Variants in ITGAM observed in about 807,000 individuals in gnomAD.
ITGAM encodes the protein integrin alpha-M.
ITGAM carries 79 observed loss-of-function variants against 137.5 expected under a neutral mutation model. That is an observed-to-expected ratio of 0.57 (90% CI 0.48 to 0.69). The LOEUF is 0.69. ITGAM is among the 30% of genes least tolerant of loss of function. ITGAM has a pLI of 0.00. For missense variants in ITGAM, 1,343 were observed against 1,483.5 expected (o/e 0.91, Z 1.56); for synonymous variants, 583 against 592.3 (o/e 0.98, Z 0.23).
intron 10 of ITGAM, 72 bp from the exon 11 acceptor site, chr16:31,276,848 G>T: frequency 6.3e-7 from 1 of 1,587,730 alleles, no homozygotes; most frequent in African/African-American, 1.3e-5. Context: ...AGATACTTGG[G>T]AAGTAGCTCT....
Position 31,325,337 on chromosome 16 carries a change from C to G in ITGAM, c.2438C>G (p.Ser813Cys). The change falls in exon 20 of 30, where the codon TCC (serine) becomes TGC (cysteine). Residue 813 changes from serine to cysteine, a missense_variant. By Grantham distance (112) the Ser-to-Cys change is moderately radical (BLOSUM62 -1). Transcript: ENST00000544665. The stretch of plus-strand genomic sequence containing the variant: ...ACTGTGAGAAATGATGGTGAGGACT[C>G]CTACAGGACACAGGTCACCTTCTTC... ...TVTVRNDGED[S>C]YRTQVTFFFP... The G allele has an allele frequency of 6.2e-7, 1 of 1,613,954 alleles. No individual in the cohort carries two copies. The highest frequency in any genetic ancestry group is 8.5e-7 in the Non-Finnish European group (1 of 1,179,852).
chr16:31,288,121 G>A (rs904780668), intron 12 of ITGAM, among the ~76,000 whole-genome samples: 1 of 152,094 alleles, frequency 6.6e-6, no homozygotes, highest in Non-Finnish European at 1.5e-5. Flanking sequence ...AGTGAAAAGG[G>A]GTGTGGGGAA....
At chr16:31,318,552 C>T (rs556308923) in intron 14 of ITGAM, among the ~76,000 whole-genome samples, 14 of 152,264 alleles carry the variant, frequency 9.2e-5, no homozygotes, top group Admixed American at 8.5e-4. Context: ...CCATGATGGC[C>T]AGGCTGGTTT....
chr16:31,261,272 G>A (rs555182027), intron 1 of ITGAM, among the ~76,000 whole-genome samples: 1 of 148,754 alleles, frequency 6.7e-6, no homozygotes, highest in Non-Finnish European at 1.5e-5. Context: ...GCATGATCAT[G>A]GTTCACTGCA....
intron 14 of ITGAM, among the ~76,000 whole-genome samples, chr16:31,316,689 A>G (rs986982888): frequency 1.2e-4 from 18 of 152,298 alleles, no homozygotes; most frequent in Admixed American, 7.9e-4. Flanking sequence ...CATTGACTCT[A>G]TCGATCACTT....
At position 31,330,376 on chromosome 16, in the gene ITGAM, C is replaced by T. The variant is rs756051605; in HGVS notation, c.3129C>T (p.Phe1043=). The T allele has an allele frequency of 6.2e-7, 1 of 1,613,880 alleles. No individual in the cohort carries two copies. Among genetic ancestry groups the T allele is most frequent in the Non-Finnish European group, 8.5e-7 (1 of 1,179,862 alleles). ...CGTTCTTTGGCATCCAGGAAGAATT[C>T]AATGCTACCCTCAAAGGCAACCTCT... ...DIPFFGIQEE[F]NATLKGNLSF... is the part of the protein sequence containing the mutation. Residue 1043 remains phenylalanine (F), a synonymous_variant, in exon 27 of 30, where the codon TTC becomes TTT. Transcript: ENST00000544665.
chr16:31,279,546 G>T (rs895461886), intron 12 of ITGAM, among the ~76,000 whole-genome samples: 1 of 152,202 alleles, frequency 6.6e-6, no homozygotes, highest in East Asian at 1.9e-4. Context: ...CTTTTGAGAA[G>T]TGTCTGTTCA....
chr16:31,324,991 A>G lies in ITGAM; in HGVS notation c.2323A>G (p.Ile775Val), dbSNP rs765566225. Residue 775 changes from isoleucine to valine, a missense_variant, in exon 19 of 30, where the codon ATC becomes GTC. Coordinates refer to ENST00000544665, the MANE Select transcript of ITGAM (RefSeq NM_000632.4). The surrounding 1 kb of genome is among the most constrained non-coding windows in gnomAD (Gnocchi z 4.5). ...TGAGAAGAATTGTGGCAATGACAAC[A>G]TCTGCCAGGATGACCTCAGCATCAC... ...PFEKNCGNDN[I>V]CQDDLSITFS... is the part of the protein sequence containing the mutation. 6.2e-7 allele frequency: 1 copy of G among 1,613,226 alleles called. No individual in the cohort carries two copies. The highest frequency in any genetic ancestry group is 1.1e-5 in the South Asian group (1 of 90,974).
intron 14 of ITGAM, among the ~76,000 whole-genome samples, chr16:31,309,886 G>A (rs1373347276): frequency 6.6e-6 from 1 of 152,072 alleles, no homozygotes; most frequent in Non-Finnish European, 1.5e-5. Flanking sequence ...TGTCTGTAAA[G>A]TATTTTATTT....
At chr16:31,284,684 G>A (rs1042828930) in intron 12 of ITGAM, among the ~76,000 whole-genome samples, 4 of 152,096 alleles carry the variant, frequency 2.6e-5, no homozygotes, top group Admixed American at 6.6e-5. Flanking sequence ...CAGGTGAGGC[G>A]ATGACCCACC....
chr16:31,318,475 C>T (rs892597225), intron 14 of ITGAM, among the ~76,000 whole-genome samples: 8 of 151,778 alleles, frequency 5.3e-5, no homozygotes, highest in South Asian at 4.2e-4. Context: ...TCCTGAGTAG[C>T]TGGCATTACA....
At position 31,297,864 on chromosome 16, in the gene ITGAM, C is replaced by A; in HGVS notation, c.1617C>A (p.Ala539=). 2 of 1,613,882 alleles carry A rather than the reference C, an allele frequency of 1.2e-6. No individual in the cohort carries two copies. The highest frequency in any genetic ancestry group is 1.7e-6 in the Non-Finnish European group (2 of 1,179,940). ...DVNGDKLTDV[A]IGAPGEEDNR... is the part of the protein sequence containing the mutation. The stretch of plus-strand genomic sequence containing the variant: ...ATGGGGACAAGCTGACGGACGTGGC[C>A]ATTGGGGCCCCAGGAGAGGAGGACA... The change falls in exon 14 of 30, where the codon GCC becomes GCA. Residue 539 remains alanine, a synonymous_variant. Coordinates refer to ENST00000544665, the MANE Select transcript of ITGAM (RefSeq NM_000632.4).
chr16:31,325,579 C>G lies in ITGAM; in HGVS notation c.2585C>G (p.Thr862Ser), dbSNP rs2080500634. The G allele has an allele frequency of 6.2e-7, 1 of 1,613,814 alleles. No individual in the cohort carries two copies. Among genetic ancestry groups the G allele is most frequent in the East Asian group, 2.2e-5 (1 of 44,884 alleles). Residue 862 changes from threonine to serine, a missense_variant, in exon 21 of 30, where the codon ACC becomes AGC. Physicochemically the swap from Thr to Ser is moderately conservative, Grantham distance 58. Coordinates refer to ENST00000544665, the MANE Select transcript of ITGAM (RefSeq NM_000632.4). ...GAAGTGTCTGGGGCCTTGAAGAGCA[C>G]CAGCTGCAGCATAAACCACCCCATC... ...STEVSGALKS[T>S]SCSINHPIFP...
chr16:31,297,878 G>C lies in ITGAM; in HGVS notation c.1631G>C (p.Gly544Ala). 6.2e-7 allele frequency: 1 copy of C among 1,614,094 alleles called. No individual in the cohort carries two copies. Among genetic ancestry groups the C allele is most frequent in the Non-Finnish European group, 8.5e-7 (1 of 1,180,002 alleles). ...ACGGACGTGGCCATTGGGGCCCCAG[G>C]AGAGGAGGACAACCGGGGTGCTGTT... Reference protein sequence around the residue: ...KLTDVAIGAPGEEDNRGAVYL... With the variant: ...KLTDVAIGAPAEEDNRGAVYL... Residue 544 changes from glycine (G) to alanine (A), a missense_variant, in exon 14 of 30, where the codon GGA becomes GCA. Gly to Ala is a moderately conservative substitution (Grantham distance 60). Transcript: ENST00000544665.
In ITGAM at chr16:31,263,712, G is replaced by C. The variant is rs1246595985; in HGVS notation, c.135-1683G>C. On this transcript the variant is annotated intron_variant, in intron 2 of 29. Transcript: ENST00000544665. ...TTGTACAAGCTTTGAGTACACTGAGGAAAGTAGTCTGGGGTATGAGTTGTG... is the reference window on the plus strand; with the variant it reads ...TTGTACAAGCTTTGAGTACACTGAGCAAAGTAGTCTGGGGTATGAGTTGTG... Among the ~76,000 whole-genome samples, 5 of 149,788 alleles carry C rather than the reference G, an allele frequency of 3.3e-5. No individual in the cohort carries two copies. In the South Asian group the frequency reaches 1.1e-3, roughly 32 times the overall value.
At chr16:31,268,024 T>C (rs1174015126) in intron 5 of ITGAM, among the ~76,000 whole-genome samples, 1 of 152,146 alleles carries the variant, frequency 6.6e-6, no homozygotes, top group Non-Finnish European at 1.5e-5. Flanking sequence ...CTTCATTCTA[T>C]CTGTATCTGA....
chr16:31,307,729 T>G (rs951153943), intron 14 of ITGAM, among the ~76,000 whole-genome samples: 5 of 152,062 alleles, frequency 3.3e-5, no homozygotes, highest in African/African-American at 1.2e-4. Flanking sequence ...TTGTGCCAGT[T>G]TTCAAAGGGA....
intron 12 of ITGAM, among the ~76,000 whole-genome samples, chr16:31,295,819 A>G (rs2080127066): frequency 6.6e-6 from 1 of 151,826 alleles, no homozygotes; most frequent in African/African-American, 2.4e-5. Flanking sequence ...TAAAGCTTTC[A>G]ATTTTTCACC....
At chr16:31,315,438 A>G (rs1482336616) in intron 14 of ITGAM, among the ~76,000 whole-genome samples, 1 of 137,266 alleles carries the variant, frequency 7.3e-6, no homozygotes, top group Non-Finnish European at 1.5e-5. Flanking sequence ...CCTTTAACTC[A>G]CTTTTTAATT....
Sources: allele counts gnomAD v4.1 joint callset (sites outside exome capture counted in the v4.1 genomes callset), GRCh38; gene constraint gnomAD v4.1.1; non-coding constraint Gnocchi (gnomAD v3.1); transcripts MANE v1.5; gene names NCBI Gene and HGNC (gene_info 2026-07-23, HGNC 2026-07-21).